TLCD3A: variants seen among roughly 807,000 people sequenced by gnomAD.
The protein encoded by TLCD3A is TLC domain containing 3A, also known as TLC domain-containing protein 3A.
A neutral mutation model predicts 29.9 loss-of-function variants in TLCD3A; 17 were observed. That is an observed-to-expected ratio of 0.57 (90% CI 0.39 to 0.85). The LOEUF (loss-of-function observed/expected upper bound fraction) is 0.85, where lower values mean the gene tolerates loss of function less well. TLCD3A is among the 40% of genes least tolerant of loss of function. The pLI is 0.00. For missense variants in TLCD3A, 332 were observed against 350.8 expected (o/e 0.95, Z 0.43); for synonymous variants, 143 against 147.7 (o/e 0.97, Z 0.23).
intron 3 of TLCD3A, among the ~76,000 whole-genome samples, chr17:739,800 G>C (rs1974219843): frequency 6.6e-6 from 1 of 152,190 alleles, no homozygotes; most frequent in South Asian, 2.1e-4. Context: ...TGAAAAAAGA[G>C]GCCGGGCGAG....
At chr17:737,791 C>T (rs1387589398) in intron 2 of TLCD3A, 55 bp from the exon 3 acceptor site, 18 of 1,516,502 alleles carry the variant, frequency 1.2e-5, no homozygotes, top group Non-Finnish European at 1.6e-5. Flanking sequence ...GGCTGTGAGC[C>T]TTCATAATGG....
Position 738,039 on chromosome 17 carries a change from G to A in TLCD3A, c.400G>A (p.Val134Ile). 1 of 1,580,298 alleles carries A rather than the reference G, an allele frequency of 6.3e-7. No individual in the cohort carries two copies. The highest frequency in any genetic ancestry group is 8.6e-7 in the Non-Finnish European group (1 of 1,159,374). Residue 134 changes from valine to isoleucine, a missense_variant, in exon 3 of 5, where the codon GTC becomes ATC. Coordinates refer to ENST00000308278, the MANE Select transcript of TLCD3A (RefSeq NM_024792.3). ...GGTCATTCTCTTTGTCCTTGTGCCA[G>A]TCGCACAGGTATGGCCTTCCAGGAC... ...HAVILFVLVPVAQRLRGDLGD... is the reference protein window; with the variant it reads ...HAVILFVLVPIAQRLRGDLGD...
chr17:740,552 G>A lies in TLCD3A; in HGVS notation c.456G>A (p.Thr152=), dbSNP rs368096305. The change falls in exon 4 of 5, where the codon ACG becomes ACA. Residue 152 remains threonine, a synonymous_variant. Coordinates refer to ENST00000308278, the MANE Select transcript of TLCD3A (RefSeq NM_024792.3). ...LGDFFVGCIF[T]AELSTPFVSL... ...ACTTCTTTGTCGGCTGCATCTTCAC[G>A]GCAGAACTGAGCACTCCGTTTGTGT... The A allele has an allele frequency of 4.6e-5, 74 of 1,613,954 alleles. No homozygotes were observed. The highest frequency in any genetic ancestry group is 2.3e-4 in the African/African-American group (17 of 74,898).
chr17:735,291 C>A (rs551050757), intron 2 of TLCD3A, among the ~76,000 whole-genome samples: 1 of 149,866 alleles, frequency 6.7e-6, no homozygotes, highest in Non-Finnish European at 1.5e-5. Context: ...GGATTACAGG[C>A]ATGAGCCACC....
chr17:732,902 C>G, intron 1 of TLCD3A, 133 bp downstream of exon 1: 2 of 1,367,934 alleles, frequency 1.5e-6, no homozygotes, highest in Non-Finnish European at 1.9e-6. Flanking sequence ...CCCGGCGGCC[C>G]GAGTTTCCGA....
intron 2 of TLCD3A, among the ~76,000 whole-genome samples, chr17:733,680 G>C (rs2243986): frequency 0.9 from 137,121 of 152,310 alleles, 61,895 homozygotes; most frequent in African/African-American, 0.96. Flanking sequence ...TCTATCAGAG[G>C]TCAGTCCAGA....
chr17:738,169 C>T, intron 3 of TLCD3A, 122 bp downstream of exon 3: 1 of 737,788 alleles, frequency 1.4e-6, no homozygotes, highest in Non-Finnish European at 2.1e-6. Flanking sequence ...GATCTCAGCT[C>T]ACTGCAACCT....
Position 741,666 on chromosome 17 carries a change from G to T in TLCD3A, c.*96G>T. ...TGCCCTGGGTAGCCTCAGACTTTGG[G>T]TATTGATAAGCCGATGGATTTGAGT... On this transcript the variant is annotated 3_prime_UTR_variant, in exon 5 of 5. Transcript: ENST00000308278. 4 of 1,412,112 alleles carry T rather than the reference G, an allele frequency of 2.8e-6. No individual in the cohort carries two copies. The highest frequency in any genetic ancestry group is 3.8e-6 in the Non-Finnish European group (4 of 1,040,816). 87.5% of individuals were successfully genotyped at this position (1,412,112 alleles called of 1,614,324 possible).
rs906663426 is a variant in TLCD3A at position 732,746 on chromosome 17, C to T, written c.99C>T (p.Thr33=). 1.4e-6 allele frequency: 2 copies of T among 1,454,610 alleles called. No individual in the cohort carries two copies. The highest frequency in any genetic ancestry group is 1.8e-6 in the Non-Finnish European group (2 of 1,105,930). The allele number at this position is 1,454,610 out of a possible 1,614,324, so 90.1% of individuals were successfully genotyped here. Residue 33 remains threonine (T), a synonymous_variant, in exon 1 of 5, where the codon ACC becomes ACT. Coordinates refer to ENST00000308278, the MANE Select transcript of TLCD3A (RefSeq NM_024792.3). ...LRRSQPGWSR[T]DCVMISTRLV... ...GCTCCCAGCCCGGATGGAGCCGCAC[C>T]GACTGCGTGATGATCAGCACCAGGT...
intron 4 of TLCD3A, 32 bp downstream of exon 4, chr17:740,632 G>C (rs183259624): frequency 1.9e-6 from 3 of 1,588,504 alleles, no homozygotes. Context: ...GAGAGTGTGA[G>C]GGTTCTGATT....
Position 741,530 on chromosome 17 carries a change from TC to T in TLCD3A, c.736del (p.Arg246GlyfsTer40). 6.2e-7 allele frequency: 1 copy of T among 1,614,026 alleles called. No individual in the cohort carries two copies. Among genetic ancestry groups the T allele is most frequent in the South Asian group, 1.1e-5 (1 of 91,088 alleles). ...TTCTGTCTGCTGTGCAGGAAGGCAG[TC>T]CGGCTCTTTGACACTCCCCAAGCCA... ...YWFCLLCRKA[V>X]RLFDTPQAKK... is the part of the protein sequence containing the mutation. On this transcript the variant is annotated frameshift_variant, in exon 5 of 5. Coordinates refer to ENST00000308278, the MANE Select transcript of TLCD3A (RefSeq NM_024792.3). LOFTEE classifies it high-confidence loss of function.
Position 732,645 on chromosome 17 carries a change from C to A in TLCD3A, c.-3C>A. 7.5e-7 allele frequency: 1 copy of A among 1,329,804 alleles called. No individual in the cohort carries two copies. The highest frequency in any genetic ancestry group is 3.3e-5 in the East Asian group (1 of 30,630). The allele number at this position is 1,329,804 out of a possible 1,614,324, so 82.4% of individuals were successfully genotyped here. ...CAGCGAGGCGGCCGGACCCGCAGCC[C>A]CGATGCTGCTGACGCTGGCCGGGGG... On this transcript the variant is annotated 5_prime_UTR_variant, in exon 1 of 5. Coordinates refer to ENST00000308278, the MANE Select transcript of TLCD3A (RefSeq NM_024792.3).
intron 2 of TLCD3A, among the ~76,000 whole-genome samples, chr17:735,684 G>A (rs1974143212): frequency 6.6e-6 from 1 of 152,068 alleles, no homozygotes; most frequent in South Asian, 2.1e-4. Flanking sequence ...ACCTAGCTAG[G>A]TCGGGTGCGG....
Position 737,915 on chromosome 17 carries a change from C to T in TLCD3A, c.276C>T (p.Tyr92=), listed in dbSNP as rs745960728. 3.1e-6 allele frequency: 5 copies of T among 1,614,002 alleles called. No individual in the cohort carries two copies. The South Asian group carries it at 3.3e-5, about 11-fold the overall frequency. ...PYMIYDSYAM[Y]LCEWCRTRDQ... ...TGATCTATGACTCGTACGCCATGTACCTCTGTGAATGGTGCCGAACCAGAG... is the reference window on the plus strand; with the variant it reads ...TGATCTATGACTCGTACGCCATGTATCTCTGTGAATGGTGCCGAACCAGAG... Residue 92 remains tyrosine, a synonymous_variant, in exon 3 of 5, where the codon TAC becomes TAT. Transcript: ENST00000308278.
intron 2 of TLCD3A, among the ~76,000 whole-genome samples, chr17:733,813 G>A (rs1974114231): frequency 1.3e-5 from 2 of 152,174 alleles, no homozygotes; most frequent in South Asian, 4.1e-4. Context: ...ATTATTTCAA[G>A]CCTTTTTTTT....
In TLCD3A at chr17:741,442, T is replaced by G; in HGVS notation, c.646T>G (p.Phe216Val). Residue 216 changes from phenylalanine to valine, a missense_variant, in exon 5 of 5, where the codon TTC becomes GTC. Transcript: ENST00000308278. ...GGGACTAAGCCTGCTCCAAGTACCC[T>G]TCAGCATCCCATTCTACTGCAACGT... ...QQGLSLLQVP[F>V]SIPFYCNVAN... 6.2e-7 allele frequency: 1 copy of G among 1,614,244 alleles called. No individual in the cohort carries two copies. The highest frequency in any genetic ancestry group is 8.5e-7 in the Non-Finnish European group (1 of 1,180,036).
chr17:739,070 C>A (rs1490410252), intron 3 of TLCD3A, among the ~76,000 whole-genome samples: 1 of 152,164 alleles, frequency 6.6e-6, no homozygotes, highest in Non-Finnish European at 1.5e-5. Flanking sequence ...CTACTTTCTC[C>A]CCAGATCCAT....
At chr17:734,690 C>A (rs1401589359) in intron 2 of TLCD3A, among the ~76,000 whole-genome samples, 1 of 152,162 alleles carries the variant, frequency 6.6e-6, no homozygotes, top group African/African-American at 2.4e-5. Context: ...TATGCCTTCA[C>A]ATAGAATGCG....
chr17:732,646 C>T lies in TLCD3A; in HGVS notation c.-2C>T. ...AGCGAGGCGGCCGGACCCGCAGCCC[C>T]GATGCTGCTGACGCTGGCCGGGGGC... On this transcript the variant is annotated 5_prime_UTR_variant, in exon 1 of 5. Transcript: ENST00000308278. 1 of 1,331,348 alleles carries T rather than the reference C, an allele frequency of 7.5e-7. No individual in the cohort carries two copies. 82.5% of individuals were successfully genotyped at this position (1,331,348 alleles called of 1,614,324 possible).
Sources: allele counts gnomAD v4.1 joint callset (sites outside exome capture counted in the v4.1 genomes callset), GRCh38; gene constraint gnomAD v4.1.1; transcripts MANE v1.5; gene names NCBI Gene and HGNC (gene_info 2026-07-23, HGNC 2026-07-21).